The following CACNA1C variants were observed in gnomAD, a reference collection of about 807,000 sequenced individuals.
CACNA1C encodes calcium voltage-gated channel subunit alpha1 C.
A neutral mutation model predicts 229.0 loss-of-function variants in CACNA1C; 30 were observed. The ratio of observed to expected loss-of-function variants is 0.13; its 90% CI spans 0.10 to 0.18. The LOEUF (loss-of-function observed/expected upper bound fraction) is 0.18, where lower values mean the gene tolerates loss of function less well. Ranked by LOEUF, CACNA1C falls within the 10% of genes least tolerant of loss-of-function variation. The probability of loss-of-function intolerance (pLI) is 1.00; values close to 1 mark genes in which losing one functional copy is unlikely to be tolerated. For missense variants in CACNA1C, 1,658 were observed against 2,845.0 expected, an observed-to-expected ratio of 0.58 and a Z score of 9.49; for synonymous variants, 1,114 against 1,132.5, an observed-to-expected ratio of 0.98 and a Z score of 0.33.
upstream of CACNA1C, chr12:1,970,829 GA>G: frequency 3.5e-6 from 1 of 288,598 alleles, no homozygotes; most frequent in Non-Finnish European, 6.8e-6. Context: ...ATACAAGGTT[GA>G]AAAGAATCAA....
At position 2,115,376 on chromosome 12, in the gene CACNA1C, G is replaced by A. The variant is rs752000790; in HGVS notation, c.202G>A (p.Ala68Thr). ...CCGGCAGGCTAAGCTGATGGGCAGC[G>A]CTGGCAATGCGACCATCTCCACAGT... The part of the protein sequence containing the change: ...AARQAKLMGS[A>T]GNATISTVSS... The change falls in exon 2 of 47, where the codon GCT (alanine) becomes ACT (threonine). Residue 68 changes from alanine to threonine, a missense_variant. By Grantham distance (58) the Ala-to-Thr change is moderately conservative (BLOSUM62 0). Coordinates refer to ENST00000399655, the MANE Select transcript of CACNA1C (RefSeq NM_000719.7). The A allele has an allele frequency of 1.4e-4, 226 of 1,606,346 alleles. No individual in the cohort carries two copies. Among genetic ancestry groups the A allele is most frequent in the Non-Finnish European group, 1.8e-4 (211 of 1,178,050 alleles).
chr12:2,498,827 T>C (rs1405609111), intron 7 of CACNA1C, among the ~76,000 whole-genome samples: 2 of 152,238 alleles, frequency 1.3e-5, no homozygotes, highest in African/African-American at 4.8e-5. Context: ...CTCTCAACAT[T>C]GCTATGGCTG....
chr12:2,063,799 A>T (rs2058385371), intron 1 of CACNA1C, among the ~76,000 whole-genome samples: 1 of 152,214 alleles, frequency 6.6e-6, no homozygotes, highest in Non-Finnish European at 1.5e-5. Context: ...CTGTTGATGG[A>T]CACTTGCGTT....
intron 1 of CACNA1C, among the ~76,000 whole-genome samples, chr12:2,103,965 G>A (rs981075671): frequency 2.0e-5 from 3 of 152,164 alleles, no homozygotes; most frequent in Non-Finnish European, 4.4e-5. Flanking sequence ...GTACCATGCC[G>A]TTTTGGTTAC....
At chr12:2,683,125 G>C (rs112356587) in intron 43 of CACNA1C, among the ~76,000 whole-genome samples, 11 of 152,298 alleles carry the variant, frequency 7.2e-5, no homozygotes, top group African/African-American at 2.2e-4. Context: ...AGCCAGGCCT[G>C]AGATTTTTGT....
At chr12:2,506,018 C>T (rs1420404455) in intron 8 of CACNA1C, among the ~76,000 whole-genome samples, 1 of 152,180 alleles carries the variant, frequency 6.6e-6, no homozygotes, top group Non-Finnish European at 1.5e-5. Context: ...CTCCCAGCTC[C>T]TACAGCTGCC....
intron 3 of CACNA1C, among the ~76,000 whole-genome samples, chr12:2,370,834 G>A (rs760339831): frequency 4.6e-5 from 7 of 152,162 alleles, no homozygotes; most frequent in South Asian, 2.1e-4. Flanking sequence ...GATTGTAGTC[G>A]AAGCTGACCT....
chr12:2,033,642 CACA>C (rs975629673), intron 1 of CACNA1C, among the ~76,000 whole-genome samples: 2 of 152,054 alleles, frequency 1.3e-5, no homozygotes, highest in Admixed American at 6.6e-5. Context: ...AAAACAACAA[CACA>C]ACAACAACAA....
chr12:2,376,249 A>C (rs2098061519), intron 3 of CACNA1C, among the ~76,000 whole-genome samples: 1 of 152,134 alleles, frequency 6.6e-6, no homozygotes, highest in Admixed American at 6.5e-5. Flanking sequence ...TCCAGGTCGG[A>C]GTCATGGCTT....
rs1328964762 is a variant in CACNA1C, at chr12:2,649,183, C to T, written c.3945+676C>T. Among the ~76,000 whole-genome samples the T allele has an allele frequency of 1.3e-5, 2 of 152,238 alleles. No homozygotes were observed. Among genetic ancestry groups the T allele is most frequent in the South Asian group, 2.1e-4 (1 of 4,828 alleles). ...AAAACAAGCTCCGTTGATTGGACCA[C>T]TCCTGTTGTAGGAGTCTCTGATTCG... On this transcript the variant is annotated intron_variant, in intron 31 of 46. Transcript: ENST00000399655. The surrounding 1 kb of genome is among the most constrained non-coding windows in gnomAD (Gnocchi z 4.4).
chr12:2,256,798 A>G (rs916051196), intron 3 of CACNA1C, among the ~76,000 whole-genome samples: 8 of 152,350 alleles, frequency 5.3e-5, no homozygotes, highest in African/African-American at 1.9e-4. Context: ...AGGGTGTAGT[A>G]TAGGAATCTG....
chr12:2,332,737 A>G (rs1393417397), intron 3 of CACNA1C, among the ~76,000 whole-genome samples: 1 of 152,212 alleles, frequency 6.6e-6, no homozygotes, highest in African/African-American at 2.4e-5. Flanking sequence ...TAACAGCATG[A>G]CAGCATGCTT....
In CACNA1C at chr12:2,067,481, T is replaced by TGTGTGTGTGTGTGTGTGC. The variant is rs3085990; in HGVS notation, c.49+13871_49+13872insTGTGTGTGTGTGTGTGCG. Reference sequence around the variant, plus strand: ...GTGTGTGTGTGTGTGTGTGTGTGTGTGCGCGCGTGTGCGTGCCTGTATGTA... The same window carrying TGTGTGTGTGTGTGTGTGC: ...GTGTGTGTGTGTGTGTGTGTGTGTGTGTGTGTGTGTGTGTGTGCGCGCGCGTGTGCGTGCCTGTATGTA... On this transcript the variant is annotated intron_variant, in intron 1 of 46. Coordinates refer to ENST00000399655, the MANE Select transcript of CACNA1C (RefSeq NM_000719.7). This position sits in a 1 kb window ranked among gnomAD's most constrained non-coding sequence, Gnocchi z 5.3. Among the ~76,000 whole-genome samples the TGTGTGTGTGTGTGTGTGC allele has an allele frequency of 2.9e-4, 41 of 140,892 alleles. No individual in the cohort carries two copies. The highest frequency in any genetic ancestry group is 1.4e-3 in the South Asian group (6 of 4,362). The allele number at this position is 140,892 out of a possible 152,430, so 92.4% of individuals were successfully genotyped here.
intron 1 of CACNA1C, among the ~76,000 whole-genome samples, chr12:2,113,929 C>T (rs566686686): frequency 6.6e-5 from 10 of 152,330 alleles, no homozygotes; most frequent in African/African-American, 2.4e-4. Flanking sequence ...AGGTTGGAGC[C>T]CTGGGTTGCA....
intron 1 of CACNA1C, among the ~76,000 whole-genome samples, chr12:2,093,648 C>T (rs1412847312): frequency 6.6e-6 from 1 of 152,194 alleles, no homozygotes; most frequent in Non-Finnish European, 1.5e-5. Context: ...CTGCTCCTTT[C>T]CCTCATCGCG....
rs368973517 is a variant in CACNA1C, at chr12:2,129,607, A to G, written c.477+9177A>G. 7.9e-5 allele frequency among the ~76,000 whole-genome samples: 12 copies of G among 152,350 alleles called. No homozygotes were observed. The South Asian group carries it at 8.3e-4, about 11-fold the overall frequency. On this transcript the variant is annotated intron_variant, in intron 3 of 46. Transcript: ENST00000399655. ...AGGAAGTCTTTCCAGAATATAAAAT[A>G]CAAATCCCTGGATCCTTAAAAGAAA...
intron 3 of CACNA1C, among the ~76,000 whole-genome samples, chr12:2,355,329 C>T (rs1044668047): frequency 1.1e-4 from 16 of 151,970 alleles, no homozygotes; most frequent in African/African-American, 3.4e-4. Flanking sequence ...GTCCTGTGTC[C>T]CTGAGTGCCC....
Position 2,403,845 on chromosome 12 carries a change from G to T in CACNA1C, c.478-45131G>T, listed in dbSNP as rs973047884. On this transcript the variant is annotated intron_variant, in intron 3 of 46. Coordinates refer to ENST00000399655, the MANE Select transcript of CACNA1C (RefSeq NM_000719.7). This position sits in a 1 kb window ranked among gnomAD's most constrained non-coding sequence, Gnocchi z 4.1. ...TGGTGTTGACAGACTGCTGGTGTCCGTGGACCACAGCTCTGCTCTGGGGCC... is the reference window on the plus strand; with the variant it reads ...TGGTGTTGACAGACTGCTGGTGTCCTTGGACCACAGCTCTGCTCTGGGGCC... Among the ~76,000 whole-genome samples the T allele has an allele frequency of 1.3e-5, 2 of 152,150 alleles. No homozygotes were observed. Among genetic ancestry groups the T allele is most frequent in the Admixed American group, 1.3e-4 (2 of 15,282 alleles).
At chr12:2,501,752 G>T (rs1019817156) in intron 7 of CACNA1C, among the ~76,000 whole-genome samples, 2 of 152,092 alleles carry the variant, frequency 1.3e-5, no homozygotes, top group Non-Finnish European at 2.9e-5. Flanking sequence ...TTGCACTGTT[G>T]GTTCAGACAG....
Sources: gnomAD v4.1 joint callset for allele counts (sites outside exome capture counted in the v4.1 genomes callset) on GRCh38, gnomAD v4.1.1 for gene constraint, Gnocchi (gnomAD v3.1) non-coding constraint, MANE v1.5 for transcripts, NCBI Gene and HGNC (gene_info 2026-07-23, HGNC 2026-07-21) for gene names.